Variants in ANKRD17 observed in about 807,000 individuals in gnomAD.
ANKRD17 encodes the protein ankyrin repeat domain-containing protein 17.
A neutral mutation model predicts 229.7 loss-of-function variants in ANKRD17; 19 were observed. The ratio of observed to expected loss-of-function variants is 0.08; its 90% confidence interval spans 0.06 to 0.12. The LOEUF is 0.12. ANKRD17 is among the 10% of genes least tolerant of loss of function. The pLI, the probability that ANKRD17 is intolerant of heterozygous loss-of-function variation, is 1.00. For missense variants in ANKRD17, 2,176 were observed against 3,176.8 expected (o/e 0.68, Z 7.57); for synonymous variants, 1,112 against 1,146.1 (o/e 0.97, Z 0.60).
In ANKRD17 at chr4:73,236,611, A is replaced by T. The variant is rs573852455; in HGVS notation, c.393+21665T>A. ...GGTCTACATTTTTCATTATAATCTA[A>T]CTAAAGTCCATGACCTAAAAAAGGT... On this transcript the variant is annotated intron_variant, in intron 1 of 33. Coordinates refer to ENST00000358602, the MANE Select transcript of ANKRD17 (RefSeq NM_032217.5). Among the ~76,000 whole-genome samples, 83 of 152,272 alleles carry T rather than the reference A, an allele frequency of 5.5e-4. 1 individual carries two copies. In the South Asian group the frequency reaches 0.016, roughly 29 times the overall value.
At chr4:73,177,294 A>G (rs988629422) in intron 2 of ANKRD17, 86 bp downstream of exon 2, 2 of 1,245,366 alleles carry the variant, frequency 1.6e-6, no homozygotes, top group African/African-American at 3.0e-5. Context: ...AATACCCAAT[A>G]TCATTCATTT....
intron 24 of ANKRD17, among the ~76,000 whole-genome samples, chr4:73,110,792 C>CTATACACATAACTA (rs1461102324): frequency 6.6e-6 from 1 of 152,146 alleles, no homozygotes; most frequent in Non-Finnish European, 1.5e-5. Context: ...TCACTCAAAA[C>CTATACACATAACTA]TATACATAAA....
intron 2 of ANKRD17, among the ~76,000 whole-genome samples, chr4:73,174,609 C>T (rs974225222): frequency 2.6e-4 from 40 of 151,988 alleles, no homozygotes; most frequent in African/African-American, 8.2e-4. Context: ...AAACAGACAA[C>T]CAAACTGATA....
At position 73,078,828 on chromosome 4, in the gene ANKRD17, G is replaced by A. The variant is rs938512511; in HGVS notation, c.7222C>T (p.Pro2408Ser). 9 of 1,614,040 alleles carry A rather than the reference G, an allele frequency of 5.6e-6. No homozygotes were observed. Among genetic ancestry groups the A allele is most frequent in the Non-Finnish European group, 6.8e-6 (8 of 1,180,022 alleles). ...RAPSPAPSSV[P>S]LGSEKPSNVS... ...TTGCTGGGCTTTTCTGACCCTAACG[G>A]TACTGATGATGGGGCAGGAGATGGT... The change falls in exon 31 of 34, where the codon CCG becomes TCG. Residue 2408 changes from proline to serine, a missense_variant. Transcript: ENST00000358602.
chr4:73,144,616 T>A (rs1437084551), intron 11 of ANKRD17, 129 bp downstream of exon 11: 1 of 481,818 alleles, frequency 2.1e-6, no homozygotes, highest in Non-Finnish European at 3.5e-6. Flanking sequence ...CACTCAATCA[T>A]TAAATGTCAG....
chr4:73,258,719 T>C lies in ANKRD17; in HGVS notation c.-51A>G. On this transcript the variant is annotated 5_prime_UTR_variant, in exon 1 of 34. Coordinates refer to ENST00000358602, the MANE Select transcript of ANKRD17 (RefSeq NM_032217.5). ...ACGGGGGAGGGGCGTGGGGCTACGCTCTACCGCGACTTCGGCCGCACTGGG... is the reference window on the plus strand; with the variant it reads ...ACGGGGGAGGGGCGTGGGGCTACGCCCTACCGCGACTTCGGCCGCACTGGG... 1 of 1,393,754 alleles carries C rather than the reference T, an allele frequency of 7.2e-7. No individual in the cohort carries two copies. Among genetic ancestry groups the C allele is most frequent in the South Asian group, 1.6e-5 (1 of 63,120 alleles). The allele number at this position is 1,393,754 out of a possible 1,614,324, so 86.3% of individuals were successfully genotyped here. A position where few individuals can be genotyped will look rare whatever the true frequency, so the allele number is the denominator to read the frequency against.
intron 3 of ANKRD17, among the ~76,000 whole-genome samples, chr4:73,156,612 T>C (rs1328623318): frequency 1.3e-5 from 2 of 152,116 alleles, no homozygotes; most frequent in Non-Finnish European, 2.9e-5. Flanking sequence ...TAAAAGTGTG[T>C]AGCACTACCC....
At chr4:73,163,235 C>T (rs1318566903) in intron 2 of ANKRD17, among the ~76,000 whole-genome samples, 2 of 152,068 alleles carry the variant, frequency 1.3e-5, no homozygotes, top group Non-Finnish European at 2.9e-5. Flanking sequence ...AAAGCAGGGC[C>T]TGGCACCTAC....
At chr4:73,243,493 C>T (rs1190193236) in intron 1 of ANKRD17, among the ~76,000 whole-genome samples, 1 of 152,114 alleles carries the variant, frequency 6.6e-6, no homozygotes, top group East Asian at 1.9e-4. Flanking sequence ...GGTGGAGAAA[C>T]ATGACCTAGT....
chr4:73,141,101 C>T (rs1016440096), intron 14 of ANKRD17, among the ~76,000 whole-genome samples: 4 of 152,160 alleles, frequency 2.6e-5, no homozygotes, highest in Admixed American at 2.0e-4. Flanking sequence ...AAAGAGTATA[C>T]GTAGCCAAAA....
intron 7 of ANKRD17, among the ~76,000 whole-genome samples, chr4:73,150,098 T>C (rs1311129641): frequency 6.6e-6 from 1 of 152,208 alleles, no homozygotes; most frequent in Non-Finnish European, 1.5e-5. Context: ...TACTTTTTTT[T>C]CTATTTCAAT....
rs755893222 is a variant in ANKRD17 at position 73,118,817 on chromosome 4, C to T, written c.4059G>A (p.Gly1353=). The change falls in exon 22 of 34, where the codon GGG becomes GGA. Residue 1353 remains glycine (G), a synonymous_variant. Coordinates refer to ENST00000358602, the MANE Select transcript of ANKRD17 (RefSeq NM_032217.5). ...GAHIDVRNKK[G]NTPLWLAANG... ...TTGCTGCTAGCCACAATGGAGTGTT[C>T]CCCTTCTTGTTACGTACATCAATAT... is the stretch of plus-strand genomic sequence containing the variant. 1.9e-6 allele frequency: 3 copies of T among 1,613,692 alleles called. No individual in the cohort carries two copies. The highest frequency in any genetic ancestry group is 2.5e-6 in the Non-Finnish European group (3 of 1,179,944).
chr4:73,174,093 AGAAGGAAG>A (rs71217453), intron 2 of ANKRD17, among the ~76,000 whole-genome samples: 39,268 of 111,056 alleles, frequency 0.35, 6,813 homozygotes, highest in East Asian at 0.49. Flanking sequence ...AAGGGAGGGG[AGAAGGAAG>A]GAAGGAAGGA....
chr4:73,219,611 T>G (rs1233965948), intron 1 of ANKRD17, among the ~76,000 whole-genome samples: 3 of 152,174 alleles, frequency 2.0e-5, no homozygotes, highest in Non-Finnish European at 2.9e-5. Flanking sequence ...TGAACCTTAA[T>G]TCAGTTCCAA....
At chr4:73,135,043 T>A in intron 16 of ANKRD17, 74 bp downstream of exon 16, 1 of 1,442,998 alleles carries the variant, frequency 6.9e-7, no homozygotes, top group South Asian at 1.3e-5. Flanking sequence ...ATGGTTTAAA[T>A]CTCTGAAAGT....
chr4:73,168,867 C>G (rs1733590322), intron 2 of ANKRD17: 1 of 152,120 alleles, frequency 6.6e-6, no homozygotes, highest in African/African-American at 2.4e-5. Flanking sequence ...GTTCAGGGTA[C>G]AGATTATTTC....
intron 22 of ANKRD17, 99 bp downstream of exon 22, chr4:73,118,589 C>G: frequency 7.4e-7 from 1 of 1,343,556 alleles, no homozygotes; most frequent in Non-Finnish European, 1.0e-6. Flanking sequence ...TTCATCACAG[C>G]TGCAAAAGCA....
In ANKRD17 at chr4:73,091,666, T is replaced by C; in HGVS notation, c.5962A>G (p.Ser1988Gly). The C allele has an allele frequency of 6.2e-7, 1 of 1,614,222 alleles. No homozygotes were observed. The highest frequency in any genetic ancestry group is 8.5e-7 in the Non-Finnish European group (1 of 1,180,042). The stretch of plus-strand genomic sequence containing the variant: ...CTTCGGACAGAAGGTGAACTTGGAC[T>C]GCCATTTGTAGATGTACCAGGCACC... ...STVPGTSTNG[S>G]PSSPSVRRQL... Residue 1988 changes from serine (S) to glycine (G), a missense_variant, in exon 29 of 34, where the codon AGT (serine) becomes GGT (glycine). Physicochemically the swap from Ser to Gly is moderately conservative, Grantham distance 56. Transcript: ENST00000358602.
At chr4:73,144,603 AT>A (rs1420104030) in intron 11 of ANKRD17, 141 bp downstream of exon 11, 1 of 452,904 alleles carries the variant, frequency 2.2e-6, no homozygotes, top group African/African-American at 2.0e-5. Context: ...TTTATCAACT[AT>A]CCACTCAATC....
Sources: allele counts gnomAD v4.1 joint callset (sites outside exome capture counted in the v4.1 genomes callset), GRCh38; gene constraint gnomAD v4.1.1; transcripts MANE v1.5; gene names NCBI Gene and HGNC (gene_info 2026-07-23, HGNC 2026-07-21).